The following CLSTN2 variants were observed in gnomAD, a reference collection of about 807,000 sequenced individuals.
CLSTN2 encodes the protein calsyntenin-2.
A neutral mutation model predicts 101.2 loss-of-function variants in CLSTN2; 48 were observed. The observed-to-expected ratio is 0.47, with a 90% CI of 0.38 to 0.60. CLSTN2 has a LOEUF of 0.60. CLSTN2 is among the 20% of genes least tolerant of loss of function. CLSTN2 has a pLI of 0.00. For synonymous variants in CLSTN2, 481 were observed against 463.6 expected (o/e 1.04, Z -0.48); for missense variants, 1,160 against 1,238.2 (o/e 0.94, Z 0.95).
intron 8 of CLSTN2, among the ~76,000 whole-genome samples, chr3:140,478,500 T>A (rs1261829931): frequency 6.6e-6 from 1 of 152,194 alleles, no homozygotes; most frequent in East Asian, 1.9e-4. Context: ...CTACATATTA[T>A]ATTACTTAAT....
At chr3:140,500,993 G>T (rs1200854708) in intron 8 of CLSTN2, among the ~76,000 whole-genome samples, 1 of 152,004 alleles carries the variant, frequency 6.6e-6, no homozygotes. Context: ...TACCAGTCTT[G>T]TTCCTCTCAC....
chr3:140,131,638 C>T (rs1307973658), intron 1 of CLSTN2, among the ~76,000 whole-genome samples: 1 of 152,080 alleles, frequency 6.6e-6, no homozygotes, highest in Admixed American at 6.6e-5. Context: ...GTCTATAATT[C>T]TGCTTCTACT....
chr3:140,536,229 A>G (rs1343420914), intron 9 of CLSTN2, among the ~76,000 whole-genome samples: 1 of 151,966 alleles, frequency 6.6e-6, no homozygotes, highest in Non-Finnish European at 1.5e-5. Flanking sequence ...AATCTATGAA[A>G]TAAGAGTAAG....
chr3:140,315,745 T>C (rs2087223201), intron 2 of CLSTN2, among the ~76,000 whole-genome samples: 1 of 152,234 alleles, frequency 6.6e-6, no homozygotes, highest in Admixed American at 6.5e-5. Flanking sequence ...CAAATGCCTT[T>C]TCTGTCTGAG....
chr3:140,299,628 G>A (rs567360648), intron 2 of CLSTN2, among the ~76,000 whole-genome samples: 6 of 152,090 alleles, frequency 3.9e-5, no homozygotes, highest in East Asian at 1.9e-4. Flanking sequence ...TTTTTGTGTC[G>A]GTCACCTATC....
intron 7 of CLSTN2, among the ~76,000 whole-genome samples, chr3:140,464,146 C>T (rs1180979737): frequency 1.3e-5 from 2 of 152,298 alleles, no homozygotes; most frequent in Middle Eastern, 3.4e-3. Context: ...AGACTTTATA[C>T]TTCTTTTCCT....
At chr3:140,422,460 T>C (rs141734366) in intron 5 of CLSTN2, among the ~76,000 whole-genome samples, 1 of 152,304 alleles carries the variant, frequency 6.6e-6, no homozygotes, top group East Asian at 1.9e-4. Context: ...AAGGCAGTTC[T>C]CAAAGCACTC....
Position 139,972,628 on chromosome 3 carries a change from C to T in CLSTN2, c.109+37145C>T, listed in dbSNP as rs1415120631. On this transcript the variant is annotated intron_variant, in intron 1 of 16. Transcript: ENST00000458420. ...ATTCCATGAGCTCATCCGTGGAAGC[C>T]CATAGCAGAAGGCCTAGTCCATTGC... 2.0e-5 allele frequency among the ~76,000 whole-genome samples: 3 copies of T among 152,088 alleles called. No homozygotes were observed. The East Asian group carries it at 5.8e-4, about 29-fold the overall frequency.
chr3:139,955,286 A>T (rs1048939769), intron 1 of CLSTN2, among the ~76,000 whole-genome samples: 5 of 151,430 alleles, frequency 3.3e-5, no homozygotes, highest in East Asian at 1.9e-4. Context: ...AAATTGCATA[A>T]CTCCTCTGTG....
At chr3:140,345,482 T>A (rs775082405) in intron 2 of CLSTN2, among the ~76,000 whole-genome samples, 4 of 152,048 alleles carry the variant, frequency 2.6e-5, no homozygotes, top group Non-Finnish European at 4.4e-5. Flanking sequence ...ACTCCTGACC[T>A]CAGGCGATCC....
At chr3:140,511,172 A>T (rs974186092) in intron 8 of CLSTN2, among the ~76,000 whole-genome samples, 2 of 152,184 alleles carry the variant, frequency 1.3e-5, no homozygotes, top group Non-Finnish European at 1.5e-5. Context: ...TTCCAACTCC[A>T]TCCATGTCGC....
chr3:140,382,429 G>C (rs2087995835), intron 2 of CLSTN2, among the ~76,000 whole-genome samples: 1 of 152,190 alleles, frequency 6.6e-6, no homozygotes, highest in South Asian at 2.1e-4. Context: ...TGATCATCCA[G>C]GGAAAATGAA....
At chr3:140,313,601 G>A (rs773096624) in intron 2 of CLSTN2, among the ~76,000 whole-genome samples, 2 of 152,210 alleles carry the variant, frequency 1.3e-5, no homozygotes, top group Non-Finnish European at 2.9e-5. Flanking sequence ...TAAAGTTGTA[G>A]CAAAGGGGCA....
At chr3:140,455,949 A>G (rs1464524500) in intron 6 of CLSTN2, among the ~76,000 whole-genome samples, 1 of 152,148 alleles carries the variant, frequency 6.6e-6, no homozygotes, top group African/African-American at 2.4e-5. Flanking sequence ...GGGAAGACAA[A>G]AGAGCCCCAC....
chr3:139,986,268 C>T (rs1210021489), intron 1 of CLSTN2, among the ~76,000 whole-genome samples: 1 of 152,162 alleles, frequency 6.6e-6, no homozygotes, highest in Non-Finnish European at 1.5e-5. Flanking sequence ...AAGACTTTTG[C>T]TGTGAGTCAT....
intron 2 of CLSTN2, among the ~76,000 whole-genome samples, chr3:140,384,337 G>T (rs1403112804): frequency 6.6e-6 from 1 of 152,184 alleles, no homozygotes; most frequent in African/African-American, 2.4e-5. Context: ...ATGAAGCTGG[G>T]AGTTATGAGT....
At chr3:140,302,466 T>A (rs2087069135) in intron 2 of CLSTN2, among the ~76,000 whole-genome samples, 1 of 152,210 alleles carries the variant, frequency 6.6e-6, no homozygotes, top group Admixed American at 6.5e-5. Context: ...TGAAAAGAAA[T>A]CCAATTTGTT....
rs1280144049 is a variant in CLSTN2 at position 140,226,212 on chromosome 3, A to C, written c.232+50139A>C. 2.6e-5 allele frequency among the ~76,000 whole-genome samples: 4 copies of C among 151,994 alleles called. 1 individual carries two copies. The South Asian group carries it at 8.3e-4, about 32-fold the overall frequency. On this transcript the variant is annotated intron_variant, in intron 2 of 16. Transcript: ENST00000458420. ...AACATTTAGTGGTGCCAGAGATTAA[A>C]GACAGGGTGGGGATGGGAGGGAAGT...
chr3:140,413,080 C>T (rs370655639), intron 4 of CLSTN2, among the ~76,000 whole-genome samples: 10 of 151,210 alleles, frequency 6.6e-5, no homozygotes, highest in East Asian at 1.9e-4. Context: ...ACTAGAAGAC[C>T]GTATAAAAGA....
Sources: allele counts gnomAD v4.1 joint callset (sites outside exome capture counted in the v4.1 genomes callset), GRCh38; gene constraint gnomAD v4.1.1; transcripts MANE v1.5; gene names NCBI Gene and HGNC (gene_info 2026-07-23, HGNC 2026-07-21).